The following FAM217A variants were observed in gnomAD, a reference collection of about 807,000 sequenced individuals.
FAM217A encodes the protein protein FAM217A.
A neutral mutation model predicts 18.5 loss-of-function variants in FAM217A; 13 were observed. The ratio of observed to expected loss-of-function variants is 0.70; its 90% CI spans 0.46 to 1.12. The LOEUF (loss-of-function observed/expected upper bound fraction) is 1.12, where lower values mean the gene tolerates loss of function less well. FAM217A is among the 50% of genes most tolerant of loss of function. The probability of loss-of-function intolerance (pLI) is 0.00; values close to 1 mark genes in which losing one functional copy is unlikely to be tolerated. For synonymous variants in FAM217A, 161 were observed against 202.8 expected (o/e 0.79, Z 1.75); for missense variants, 560 against 575.4 (o/e 0.97, Z 0.27).
At chr6:4,079,536 C>G, upstream of FAM217A, 1 of 1,120,266 alleles carries the variant, frequency 8.9e-7, no homozygotes, top group African/African-American at 1.7e-5. Flanking sequence ...AGGCCTTCCC[C>G]GAGGCCTCCA....
chr6:4,079,972 CTCT>C (rs748768019), upstream of FAM217A, among the ~76,000 whole-genome samples: 3,435 of 91,294 alleles, frequency 0.038, 65 homozygotes, highest in Non-Finnish European at 0.042. Context: ...GGAAGAATCT[CTCT>C]CTATCTAGTT....
At chr6:4,070,485 A>G (rs1313036118) in intron 6 of FAM217A, among the ~76,000 whole-genome samples, 1 of 152,186 alleles carries the variant, frequency 6.6e-6, no homozygotes, top group East Asian at 1.9e-4. Flanking sequence ...TCATATAATG[A>G]TGCTCTTCTA....
chr6:4,084,259 A>G (rs1359021462), intron 2 of FAM217A, among the ~76,000 whole-genome samples: 2 of 152,222 alleles, frequency 1.3e-5, no homozygotes, highest in South Asian at 2.1e-4. Flanking sequence ...TTTTGTTGCA[A>G]ATAGATAAGA....
chr6:4,085,741 A>G (rs1770615242), intron 1 of FAM217A, among the ~76,000 whole-genome samples: 1 of 152,222 alleles, frequency 6.6e-6, no homozygotes, highest in Non-Finnish European at 1.5e-5. Flanking sequence ...GTTATATAAC[A>G]TATTTTAAAT....
Position 4,074,437 on chromosome 6 carries a change from C to A in FAM217A, c.159+6G>T, listed in dbSNP as rs200047848. ...GAATACCTTAAAACCAAACATTCAT[C>A]CTTACCTTGTTAATTTTGCCTGAAA... is the stretch of plus-strand genomic sequence containing the variant. On this transcript the variant is annotated splice_donor_region_variant and intron_variant, in intron 4 of 6. Coordinates refer to ENST00000274673, the MANE Select transcript of FAM217A (RefSeq NM_173563.3). 1 of 1,574,376 alleles carries A rather than the reference C, an allele frequency of 6.4e-7. No homozygotes were observed. Among genetic ancestry groups the A allele is most frequent in the Non-Finnish European group, 8.7e-7 (1 of 1,146,802 alleles).
In FAM217A at chr6:4,069,346, G is replaced by GT. The variant is rs1769239505; in HGVS notation, c.876dup (p.Leu293ThrfsTer27). On this transcript the variant is annotated frameshift_variant, in exon 7 of 7. Coordinates refer to ENST00000274673, the MANE Select transcript of FAM217A (RefSeq NM_173563.3). LOFTEE classifies it low-confidence loss of function (END_TRUNC). ...ATAGTCATATGTTGTAATCGTTCTA[G>GT]TTCCAGTAAACGAGTTATCAAGTGT... 6.2e-7 allele frequency: 1 copy of GT among 1,613,972 alleles called. No individual in the cohort carries two copies. The highest frequency in any genetic ancestry group is 1.3e-5 in the African/African-American group (1 of 74,906).
intron 1 of FAM217A, among the ~76,000 whole-genome samples, chr6:4,085,426 A>G (rs1431832490): frequency 6.6e-6 from 1 of 152,136 alleles, no homozygotes; most frequent in African/African-American, 2.4e-5. Context: ...AGCATGCATC[A>G]GATAACTATA....
chr6:4,072,161 TA>T (rs1399787533), intron 6 of FAM217A, among the ~76,000 whole-genome samples: 2 of 151,532 alleles, frequency 1.3e-5, no homozygotes, highest in Non-Finnish European at 2.9e-5. Flanking sequence ...GCCAAGATGG[TA>T]AAACCCCATC....
rs749827409 is a variant in FAM217A, at chr6:4,074,622, A to G, written c.100T>C (p.Ser34Pro). 12 of 1,613,682 alleles carry G rather than the reference A, an allele frequency of 7.4e-6. No individual in the cohort carries two copies. In the African/African-American group the frequency reaches 1.5e-4, roughly 20 times the overall value. Residue 34 changes from serine (S) to proline (P), a missense_variant, in exon 3 of 7, where the codon TCT becomes CCT. Ser to Pro is a moderately conservative substitution (Grantham distance 74). Transcript: ENST00000274673. ...CCAGCTGGGAGGTTTTTATTTTCAGAAACAGGTACTTCTGAATCCAAATTC... is the reference window on the plus strand; with the variant it reads ...CCAGCTGGGAGGTTTTTATTTTCAGGAACAGGTACTTCTGAATCCAAATTC... ...HWNLDSEVPVSENKNLPAGRD... is the reference protein window; with the variant it reads ...HWNLDSEVPVPENKNLPAGRD...
chr6:4,077,510 T>G, intron 1 of FAM217A, 62 bp from the exon 2 acceptor site: 1 of 1,347,886 alleles, frequency 7.4e-7, no homozygotes, highest in Non-Finnish European at 1.1e-6. Flanking sequence ...AAAAAGAAAG[T>G]GTGAGTTTTG....
upstream of FAM217A, chr6:4,079,718 A>G (rs1770144219): frequency 1.8e-6 from 2 of 1,129,390 alleles, no homozygotes; most frequent in African/African-American, 1.7e-5. Flanking sequence ...ATATATACGC[A>G]TTGATACATG....
rs1167499025 is a variant in FAM217A at position 4,085,333 on chromosome 6, A to G, written c.19-523T>C. On this transcript the variant is annotated intron_variant, in intron 1 of 8. Coordinates refer to the FAM217A transcript ENST00000639338. ...AAAAATATATATATATATATAAAAT[A>G]TGTAAAAATATATATCCATCTGATA... Among the ~76,000 whole-genome samples the G allele has an allele frequency of 4.1e-5, 6 of 146,142 alleles. No individual in the cohort carries two copies. In the East Asian group the frequency reaches 1.3e-3, roughly 31 times the overall value.
rs141691461 is a variant in FAM217A at position 4,068,716 on chromosome 6, A to G, written c.1507T>C (p.Ser503Pro). 3.3e-3 allele frequency: 5,274 copies of G among 1,606,178 alleles called. 16 individuals carry two copies. The highest frequency in any genetic ancestry group is 4.0e-3 in the Non-Finnish European group (4,764 of 1,176,982). ...AAGAGTTATTTTTGTTCAATGGGTG[A>G]GCAGCACTTATCCTTAGCAATAAGG... ...PSLIAKDKCC[S>P]PIEQK Residue 503 changes from serine (S) to proline (P), a missense_variant, in exon 7 of 7, where the codon TCA (serine) becomes CCA (proline). Ser to Pro is a moderately conservative substitution (Grantham distance 74). Transcript: ENST00000274673.
chr6:4,071,489 G>C lies in FAM217A; in HGVS notation c.303-1569C>G, dbSNP rs1769409002. 3.3e-5 allele frequency among the ~76,000 whole-genome samples: 5 copies of C among 152,076 alleles called. No individual in the cohort carries two copies. In the South Asian group the frequency reaches 1.0e-3, roughly 32 times the overall value. ...CACCTTTTGCAGATAAGGGAACGGG[G>C]GTGTAGAGTGGCTGAGGGCACACAT... On this transcript the variant is annotated intron_variant, in intron 6 of 6. Transcript: ENST00000274673.
At chr6:4,079,495 TG>T, upstream of FAM217A, 1 of 620,348 alleles carries the variant, frequency 1.6e-6, no homozygotes, top group Non-Finnish European at 2.4e-6. Flanking sequence ...TCGGCCTTCC[TG>T]GGCCTCCTCG....
At chr6:4,085,311 A>AAAAAATAAATATATAT (rs377046907) in intron 1 of FAM217A, among the ~76,000 whole-genome samples, 1 of 146,420 alleles carries the variant, frequency 6.8e-6, no homozygotes, top group East Asian at 2.0e-4. Flanking sequence ...TGTAAAAAAA[A>AAAAAATAAATATATAT]ATATATATAT....
At position 4,068,589 on chromosome 6, in the gene FAM217A, A is replaced by AT. The variant is rs1169937200; in HGVS notation, c.*106dup. The AT allele has an allele frequency of 4.7e-6, 6 of 1,282,620 alleles. No individual in the cohort carries two copies. The highest frequency in any genetic ancestry group is 5.6e-4 in the Middle Eastern group (2 of 3,586). The allele number at this position is 1,282,620 out of a possible 1,614,324, so 79.5% of individuals were successfully genotyped here. A position where few individuals can be genotyped will look rare whatever the true frequency, so the allele number is the denominator to read the frequency against. ...TATCACATCAAGCAACTGTTTGGTGATTTTGGGGGACTGTTAATAGTACCT... is the reference window on the plus strand; with the variant it reads ...TATCACATCAAGCAACTGTTTGGTGATTTTTGGGGGACTGTTAATAGTACCT... On this transcript the variant is annotated 3_prime_UTR_variant, in exon 7 of 7. Coordinates refer to ENST00000274673, the MANE Select transcript of FAM217A (RefSeq NM_173563.3).
chr6:4,078,940 T>G lies in FAM217A; in HGVS notation c.-123A>C. The G allele has an allele frequency of 1.8e-6, 1 of 567,534 alleles. No individual in the cohort carries two copies. The highest frequency in any genetic ancestry group is 3.1e-6 in the Non-Finnish European group (1 of 318,608). 35.2% of individuals were successfully genotyped at this position (567,534 alleles called of 1,614,324 possible). ...GCCTCCGCGTGCGTGGCTGACGGCT[T>G]GGAGGGCGCCCCCTCTGCCGCGGCC... On this transcript the variant is annotated 5_prime_UTR_variant, in exon 1 of 7. Transcript: ENST00000274673.
intron 1 of FAM217A, among the ~76,000 whole-genome samples, chr6:4,085,102 A>G (rs1172426908): frequency 6.6e-6 from 1 of 152,174 alleles, no homozygotes; most frequent in Non-Finnish European, 1.5e-5. Flanking sequence ...ATACACAATG[A>G]AAGCATTTGT....
Sources: allele counts gnomAD v4.1 joint callset (sites outside exome capture counted in the v4.1 genomes callset), GRCh38; gene constraint gnomAD v4.1.1; transcripts MANE v1.5; gene names NCBI Gene and HGNC (gene_info 2026-07-23, HGNC 2026-07-21).